The following GFM2 variants were observed in gnomAD, a reference collection of about 807,000 sequenced individuals.
The protein encoded by GFM2 is ribosome-releasing factor 2, mitochondrial.
In GFM2, 72 loss-of-function variants were observed where a neutral mutation model predicts 95.4. The observed-to-expected ratio is 0.76, with a 90% CI of 0.62 to 0.92. GFM2 has a LOEUF of 0.92. GFM2 is among the 40% of genes least tolerant of loss of function. GFM2 has a pLI of 0.00. For synonymous variants in GFM2, 276 were observed against 317.5 expected, an observed-to-expected ratio of 0.87 and a Z score of 1.39; for missense variants, 825 against 924.1, an observed-to-expected ratio of 0.89 and a Z score of 1.39.
chr5:74,747,964 C>T (rs1743474215), intron 7 of GFM2, among the ~76,000 whole-genome samples, 184 bp from the exon 8 acceptor site: 1 of 152,110 alleles, frequency 6.6e-6, no homozygotes, highest in Non-Finnish European at 1.5e-5. Context: ...CAGCCGGGAA[C>T]GTGATGAAGT....
chr5:74,741,769 T>A, intron 10 of GFM2, 160 bp from the exon 11 acceptor site: 1 of 441,942 alleles, frequency 2.3e-6, no homozygotes, highest in Non-Finnish European at 4.1e-6. Context: ...AAGAAAAATG[T>A]TTTTCTTTGA....
intron 5 of GFM2, among the ~76,000 whole-genome samples, chr5:74,752,239 A>AT (rs1263588477): frequency 1.3e-5 from 2 of 152,210 alleles, no homozygotes; most frequent in African/African-American, 4.8e-5. Flanking sequence ...GTGCAGTAAA[A>AT]TTCTGTAGTT....
chr5:74,739,219 TA>T (rs1053256747), intron 12 of GFM2, among the ~76,000 whole-genome samples: 1 of 152,166 alleles, frequency 6.6e-6, no homozygotes, highest in African/African-American at 2.4e-5. Context: ...TAAAGTAGTT[TA>T]AACACTTCTA....
intron 17 of GFM2, among the ~76,000 whole-genome samples, chr5:74,729,498 AGTT>A (rs977152483): frequency 2.0e-5 from 3 of 152,190 alleles, no homozygotes; most frequent in Admixed American, 1.3e-4. Context: ...AGACATTAAA[AGTT>A]GTTATTTTGA....
intron 19 of GFM2, among the ~76,000 whole-genome samples, chr5:74,723,932 GA>G: frequency 6.6e-6 from 1 of 152,224 alleles, no homozygotes; most frequent in East Asian, 1.9e-4. Context: ...CCTTTAGGTA[GA>G]GTAAAATATA....
intron 15 of GFM2, chr5:74,733,343 A>AT: frequency 8.7e-6 from 3 of 343,322 alleles, no homozygotes; most frequent in Non-Finnish European, 1.6e-5. Context: ...AAGAAAAAAA[A>AT]AAAAAGACAA....
At chr5:74,723,104 G>T (rs999141694) in intron 19 of GFM2, among the ~76,000 whole-genome samples, 1 of 152,032 alleles carries the variant, frequency 6.6e-6, no homozygotes, top group African/African-American at 2.4e-5. Flanking sequence ...TAAAAATTAA[G>T]AGAAAAAAAT....
At chr5:74,736,430 A>G (rs1742836764) in intron 15 of GFM2, 2 of 983,838 alleles carry the variant, frequency 2.0e-6, no homozygotes, top group African/African-American at 3.5e-5. Flanking sequence ...GTAGAAAACA[A>G]GGTAAAACAG....
rs35541495 is a variant in GFM2 at position 74,740,067 on chromosome 5, T to C, written c.1001A>G (p.Lys334Arg). Residue 334 changes from lysine (K) to arginine (R), a missense_variant, in exon 12 of 21, where the codon AAA (lysine) becomes AGA (arginine). Transcript: ENST00000296805. ...TAACAAGGGCTGTATCCCTTTGTTT[T>C]TCAGGGCACTTCCACAAAGCACAGG... ...AVPVLCGSAL[K>R]NKGIQPLLDA... 7.2e-4 allele frequency: 1,154 copies of C among 1,607,114 alleles called. 7 individuals are homozygous for C. In the African/African-American group the frequency reaches 0.014, roughly 19 times the overall value.
chr5:74,751,422 C>T lies in GFM2; in HGVS notation c.376G>A (p.Ala126Thr). ...ERERGITIQS[A>T]AVTFDWKGYR... ...CCTTTCCAATCAAATGTAACAGCAG[C>T]TGATTGAATAGTAATGCCTCTTTCT... The change falls in exon 6 of 21, where the codon GCT (alanine) becomes ACT (threonine). Residue 126 changes from alanine to threonine, a missense_variant. Physicochemically the swap from Ala to Thr is moderately conservative, Grantham distance 58 (BLOSUM62 0). Coordinates refer to ENST00000296805, the MANE Select transcript of GFM2 (RefSeq NM_032380.5). The T allele has an allele frequency of 6.2e-7, 1 of 1,610,072 alleles. No individual in the cohort carries two copies. The highest frequency in any genetic ancestry group is 8.5e-7 in the Non-Finnish European group (1 of 1,176,370).
chr5:74,754,622 A>G (rs1743887212), intron 5 of GFM2, among the ~76,000 whole-genome samples: 2 of 152,376 alleles, frequency 1.3e-5, no homozygotes, highest in South Asian at 4.1e-4. Flanking sequence ...AAAGAGGGAT[A>G]TTATACAATG....
At position 74,721,352 on chromosome 5, in the gene GFM2, G is replaced by GTC; in HGVS notation, c.*302_*303insGA. On this transcript the variant is annotated 3_prime_UTR_variant, in exon 21 of 21. Transcript: ENST00000296805. ...ATCTTTCTTGTGAGACAAGCTTAAG[G>GTC]ACACAAAAGAAACACAACTTTGTGA... 2 of 746,448 alleles carry GTC rather than the reference G, an allele frequency of 2.7e-6. No individual in the cohort carries two copies. Among genetic ancestry groups the GTC allele is most frequent in the Non-Finnish European group, 2.4e-6 (1 of 415,964 alleles). 46.2% of individuals were successfully genotyped at this position (746,448 alleles called of 1,614,324 possible).
chr5:74,762,351 T>G (rs975298855), intron 2 of GFM2, among the ~76,000 whole-genome samples: 1 of 152,184 alleles, frequency 6.6e-6, no homozygotes, highest in African/African-American at 2.4e-5. Context: ...CAGAACATGG[T>G]TCTGTTCATG....
chr5:74,765,170 CTCT>C (rs1392909025), intron 1 of GFM2: 17 of 1,076,992 alleles, frequency 1.6e-5, no homozygotes, highest in Middle Eastern at 5.2e-4. Context: ...AGACATTTTC[CTCT>C]TCTTTAACTC....
At chr5:74,759,482 T>C in intron 3 of GFM2, 56 bp from the exon 4 acceptor site, 1 of 931,776 alleles carries the variant, frequency 1.1e-6, no homozygotes, top group Non-Finnish European at 1.7e-6. Context: ...TTCCTTTAAT[T>C]TATAAATGAA....
chr5:74,737,797 A>T (rs1486907151), intron 14 of GFM2, among the ~76,000 whole-genome samples: 1 of 152,208 alleles, frequency 6.6e-6, no homozygotes, highest in East Asian at 1.9e-4. Flanking sequence ...TAAATACAAC[A>T]TCAAGTATTT....
chr5:74,766,379 T>G (rs1205377727), intron 1 of GFM2, among the ~76,000 whole-genome samples: 1 of 152,238 alleles, frequency 6.6e-6, no homozygotes, highest in Non-Finnish European at 1.5e-5. Flanking sequence ...GAAAGTATTC[T>G]TTTGGTACAG....
At position 74,722,483 on chromosome 5, in the gene GFM2, GGCTGAGATAATCTCTA is replaced by G; in HGVS notation, c.2091_2106del (p.Arg698LeufsTer31). 6.2e-7 allele frequency: 1 copy of G among 1,613,914 alleles called. No homozygotes were observed. Among genetic ancestry groups the G allele is most frequent in the Non-Finnish European group, 8.5e-7 (1 of 1,179,852 alleles). ...CTTTGTGCCAGATCTGCCAGGACAG[GGCTGAGATAATCTCTA>G]GCTACTGTAACCTCAAGATTCATCA... On this transcript the variant is annotated frameshift_variant, in exon 20 of 21. Coordinates refer to ENST00000296805, the MANE Select transcript of GFM2 (RefSeq NM_032380.5). LOFTEE classifies it high-confidence loss of function.
At chr5:74,736,717 A>G in intron 15 of GFM2, 79 bp downstream of exon 15, 5 of 1,571,160 alleles carry the variant, frequency 3.2e-6, no homozygotes, top group Non-Finnish European at 4.3e-6. Context: ...CACATAAGAA[A>G]TCTCTTGAGG....
Sources: allele counts gnomAD v4.1 joint callset (sites outside exome capture counted in the v4.1 genomes callset), GRCh38; gene constraint gnomAD v4.1.1; transcripts MANE v1.5; gene names NCBI Gene and HGNC (gene_info 2026-07-23, HGNC 2026-07-21).